Variants in UGT1A9 observed in about 807,000 individuals in gnomAD.
UGT1A9 encodes the protein UDP-glucuronosyltransferase 1A9.
In UGT1A9, 35 loss-of-function variants were observed where a neutral mutation model predicts 45.0. The ratio of observed to expected loss-of-function variants is 0.78; its 90% CI spans 0.59 to 1.03. The LOEUF (loss-of-function observed/expected upper bound fraction) is 1.03, where lower values mean the gene tolerates loss of function less well. Ranked by LOEUF, UGT1A9 falls within the 50% of genes least tolerant of loss-of-function variation. UGT1A9 has a pLI of 0.00. For synonymous variants in UGT1A9, 278 were observed against 250.6 expected (o/e 1.11, Z -1.03); for missense variants, 687 against 666.6 (o/e 1.03, Z -0.34).
intron 1 of UGT1A9, chr2:233,690,664 G>C (rs2075002310): frequency 7.9e-7 from 1 of 1,272,234 alleles, no homozygotes; most frequent in Non-Finnish European, 1.0e-6. Context: ...GCACCAACCA[G>C]GGCAGGCCTG....
At chr2:233,694,733 T>C (rs1314036348) in intron 1 of UGT1A9, among the ~76,000 whole-genome samples, 1 of 152,174 alleles carries the variant, frequency 6.6e-6, no homozygotes, top group South Asian at 2.1e-4. Context: ...TGTTAACAAT[T>C]TGAACAGTTG....
intron 4 of UGT1A9, chr2:233,770,774 T>C (rs1700153442): frequency 6.6e-6 from 1 of 152,224 alleles, no homozygotes; most frequent in African/African-American, 2.4e-5. Context: ...TAATAATGTT[T>C]CCAAATAACA....
chr2:233,712,907 A>C, intron 1 of UGT1A9: 1 of 1,610,566 alleles, frequency 6.2e-7, no homozygotes, highest in Non-Finnish European at 8.5e-7. Flanking sequence ...TAGGTGTCTC[A>C]GTGACAAGGT....
chr2:233,694,725 T>C (rs1230570334), intron 1 of UGT1A9, among the ~76,000 whole-genome samples: 2 of 152,186 alleles, frequency 1.3e-5, no homozygotes, highest in African/African-American at 4.8e-5. Context: ...GATTTCTCTG[T>C]TAACAATTTG....
At chr2:233,696,605 CCTTTCTTT>C (rs57635371) in intron 1 of UGT1A9, among the ~76,000 whole-genome samples, 1 of 151,622 alleles carries the variant, frequency 6.6e-6, no homozygotes, top group Non-Finnish European at 1.5e-5. Context: ...ACTTGGATGC[CCTTTCTTT>C]CTTTCTTTCT....
chr2:233,703,685 T>C (rs1041674498), intron 1 of UGT1A9, among the ~76,000 whole-genome samples: 7 of 152,282 alleles, frequency 4.6e-5, no homozygotes, highest in Admixed American at 2.0e-4. Flanking sequence ...ATATTTTTTT[T>C]CCACCATTTA....
intron 1 of UGT1A9, among the ~76,000 whole-genome samples, chr2:233,708,220 T>C (rs1342660993): frequency 6.6e-6 from 1 of 152,252 alleles, no homozygotes; most frequent in Non-Finnish European, 1.5e-5. Context: ...AACAATTTAT[T>C]CTTCCCTTAG....
chr2:233,723,612 A>G (rs2077104737), intron 1 of UGT1A9, among the ~76,000 whole-genome samples: 1 of 100,308 alleles, frequency 1.0e-5, no homozygotes, highest in Admixed American at 1.1e-4. Context: ...ACAATAGTGG[A>G]GGGAAGGTCA....
intron 1 of UGT1A9, among the ~76,000 whole-genome samples, chr2:233,688,837 T>C (rs11680450): frequency 0.39 from 59,706 of 151,878 alleles, 11,922 homozygotes; most frequent in South Asian, 0.45. Context: ...AAGAAAAGGA[T>C]GTAAAGAGAG....
At chr2:233,713,459 C>G (rs765192801) in intron 1 of UGT1A9, 52 of 1,614,154 alleles carry the variant, frequency 3.2e-5, no homozygotes, top group Non-Finnish European at 4.3e-5. Flanking sequence ...CCTTTCACCT[C>G]TGCGCGGCGG....
chr2:233,675,939 A>G (rs1052112012), intron 1 of UGT1A9, among the ~76,000 whole-genome samples: 8 of 152,238 alleles, frequency 5.3e-5, no homozygotes, highest in Non-Finnish European at 1.2e-4. Context: ...TTTACAGTCC[A>G]TAATAAAATT....
intron 1 of UGT1A9, among the ~76,000 whole-genome samples, chr2:233,695,130 C>CTTTTCTTTCTTTTT (rs2075264545): frequency 7.2e-6 from 1 of 138,840 alleles, no homozygotes; most frequent in African/African-American, 2.7e-5. Flanking sequence ...CTTTTCTTTT[C>CTTTTCTTTCTTTTT]TTTTTTTTTT....
chr2:233,755,411 C>T (rs1182147250), intron 1 of UGT1A9: 6 of 330,824 alleles, frequency 1.8e-5, no homozygotes, highest in African/African-American at 1.1e-4. Flanking sequence ...TTGGCCGAGG[C>T]CTGTGAGCGC....
intron 1 of UGT1A9, chr2:233,713,113 G>A: frequency 6.2e-7 from 1 of 1,614,226 alleles, no homozygotes; most frequent in Non-Finnish European, 8.5e-7. Flanking sequence ...GGCAGCCACT[G>A]GCTCAGCATG....
intron 1 of UGT1A9, among the ~76,000 whole-genome samples, chr2:233,720,698 G>A (rs2076882093): frequency 6.6e-6 from 1 of 151,018 alleles, no homozygotes; most frequent in South Asian, 2.1e-4. Context: ...CATTAAGGGA[G>A]CCATCCTTTT....
intron 1 of UGT1A9, among the ~76,000 whole-genome samples, chr2:233,726,182 C>A (rs2077513267): frequency 6.6e-6 from 1 of 152,136 alleles, no homozygotes; most frequent in Admixed American, 6.6e-5. Flanking sequence ...ATAAAAATTT[C>A]TTTGGCATAT....
At chr2:233,748,206 C>A (rs553740973) in intron 1 of UGT1A9, 35 of 1,508,468 alleles carry the variant, frequency 2.3e-5, no homozygotes, top group Admixed American at 4.0e-5. Context: ...GTCGTAATAG[C>A]CTTCAGTGAG....
chr2:233,755,220 T>A, intron 1 of UGT1A9: 1 of 1,009,650 alleles, frequency 9.9e-7, no homozygotes, highest in South Asian at 1.3e-5. Context: ...CTTGATACCC[T>A]CGGACGAGGC....
chr2:233,707,771 T>A (rs1389608234), intron 1 of UGT1A9, among the ~76,000 whole-genome samples: 1 of 152,230 alleles, frequency 6.6e-6, no homozygotes, highest in African/African-American at 2.4e-5. Context: ...AGTGGGTTTT[T>A]AGAGTATATA....
Sources: allele counts gnomAD v4.1 joint callset (sites outside exome capture counted in the v4.1 genomes callset), GRCh38; gene constraint gnomAD v4.1.1; transcripts MANE v1.5; gene names NCBI Gene and HGNC (gene_info 2026-07-23, HGNC 2026-07-21).